ARID1A: variants seen among roughly 807,000 people sequenced by gnomAD.
The protein encoded by ARID1A is AT-rich interactive domain-containing protein 1A.
A neutral mutation model predicts 212.6 loss-of-function variants in ARID1A; 20 were observed. The observed-to-expected ratio is 0.09, with a 90% confidence interval of 0.07 to 0.14. The LOEUF is 0.14. Ranked by LOEUF, ARID1A falls within the 10% of genes least tolerant of loss-of-function variation. The pLI is 1.00. For synonymous variants in ARID1A, 1,376 were observed against 1,222.1 expected, an observed-to-expected ratio of 1.13 and a Z score of -2.63; for missense variants, 2,587 against 3,059.0, an observed-to-expected ratio of 0.85 and a Z score of 3.64.
chr1:26,778,841 A>C, intron 19 of ARID1A, 182 bp from the exon 20 acceptor site: 1 of 547,490 alleles, frequency 1.8e-6, no homozygotes, highest in Non-Finnish European at 3.0e-6. Context: ...AGAAGAAAGA[A>C]CTTTGTGTTG....
At chr1:26,722,562 G>A (rs1202749055) in intron 1 of ARID1A, among the ~76,000 whole-genome samples, 2 of 152,136 alleles carry the variant, frequency 1.3e-5, no homozygotes, top group Admixed American at 1.3e-4. Flanking sequence ...ATTCCACTTG[G>A]AAATTTATGG....
chr1:26,709,200 G>GAT (rs2124761138), intron 1 of ARID1A, among the ~76,000 whole-genome samples: 2 of 152,266 alleles, frequency 1.3e-5, no homozygotes, highest in Non-Finnish European at 2.9e-5. Context: ...GTAAATATTA[G>GAT]ATATGTGAAA....
chr1:26,771,059 C>T lies in ARID1A; in HGVS notation c.3199-60C>T, dbSNP rs1001147789. 4.0e-6 allele frequency: 6 copies of T among 1,497,394 alleles called. No homozygotes were observed. Among genetic ancestry groups the T allele is most frequent in the Middle Eastern group, 1.7e-4 (1 of 5,860 alleles). 92.8% of individuals were successfully genotyped at this position (1,497,394 alleles called of 1,614,324 possible). On this transcript the variant is annotated intron_variant, in intron 11 of 19. Coordinates refer to ENST00000324856, the MANE Select transcript of ARID1A (RefSeq NM_006015.6). This position sits in a 1 kb window ranked among gnomAD's most constrained non-coding sequence, Gnocchi z 5.4. ...CCTTACAGCCTGATGGGGCTTGGGG[C>T]TTATGGGCAGGAAAACCAGGCGGGA...
chr1:26,708,193 C>T (rs1185130668), intron 1 of ARID1A, among the ~76,000 whole-genome samples: 1 of 150,188 alleles, frequency 6.7e-6, no homozygotes, highest in Non-Finnish European at 1.5e-5. Flanking sequence ...CCTCTGGTCC[C>T]CGGTCCTCTC....
chr1:26,761,351 T>C (rs2124058844), intron 5 of ARID1A, 33 bp from the exon 6 acceptor site: 2 of 1,610,104 alleles, frequency 1.2e-6, no homozygotes, highest in Non-Finnish European at 1.7e-6. Context: ...GGCTTAGCCA[T>C]GATATGCTTA....
intron 4 of ARID1A, among the ~76,000 whole-genome samples, chr1:26,755,465 C>G (rs2080920568): frequency 6.6e-6 from 1 of 152,172 alleles, no homozygotes; most frequent in African/African-American, 2.4e-5. Context: ...TTATTTAGCA[C>G]TTTTTCTCCA....
intron 1 of ARID1A, among the ~76,000 whole-genome samples, chr1:26,705,647 T>A (rs1015866751): frequency 6.6e-6 from 1 of 152,356 alleles, no homozygotes; most frequent in African/African-American, 2.4e-5. Context: ...GCTTGAACTC[T>A]GATCATTCCC....
At chr1:26,753,120 A>G (rs180979919) in intron 4 of ARID1A, 1 of 152,164 alleles carries the variant, frequency 6.6e-6, no homozygotes, top group Admixed American at 6.5e-5. Flanking sequence ...CCCTCCTCTA[A>G]CCCTGATCTG....
At chr1:26,723,253 C>T (rs2080582299) in intron 1 of ARID1A, among the ~76,000 whole-genome samples, 2 of 152,132 alleles carry the variant, frequency 1.3e-5, no homozygotes, top group Admixed American at 6.5e-5. Flanking sequence ...AAGTGAGCCA[C>T]GTGCAGCTGG....
chr1:26,717,652 C>G (rs2080516279), intron 1 of ARID1A, among the ~76,000 whole-genome samples: 1 of 152,132 alleles, frequency 6.6e-6, no homozygotes, highest in African/African-American at 2.4e-5. Context: ...CTAGAGGATA[C>G]AGCAGTGAAT....
At chr1:26,765,491 A>C (rs12747603) in intron 8 of ARID1A, 8,335 of 151,852 alleles carry the variant, frequency 0.055, 313 homozygotes, top group Non-Finnish European at 0.08. Context: ...CCATCTCAAA[A>C]AAAAAAAAAA....
chr1:26,700,518 A>G (rs966951379), intron 1 of ARID1A, among the ~76,000 whole-genome samples: 3 of 152,210 alleles, frequency 2.0e-5, no homozygotes, highest in Non-Finnish European at 4.4e-5. Flanking sequence ...AAATAGTTTT[A>G]GATTACTTAC....
At position 26,760,879 on chromosome 1, in the gene ARID1A, C is replaced by T. The variant is rs1165545079; in HGVS notation, c.1944C>T (p.Asp648=). 6.2e-7 allele frequency: 1 copy of T among 1,613,382 alleles called. No homozygotes were observed. Among genetic ancestry groups the T allele is most frequent in the Admixed American group, 1.7e-5 (1 of 60,012 alleles). Residue 648 remains aspartate (D), a synonymous_variant, in exon 5 of 20, where the codon GAC becomes GAT. Transcript: ENST00000324856. The part of the protein sequence containing the change: ...SLPDLSGSID[D]LPMGTEGALS... ...AGGATCTATCTGGTTCAATAGATGA[C>T]CTCCCCATGGGGACAGAAGGAGCTC...
chr1:26,711,114 CT>C (rs572779178), intron 1 of ARID1A, among the ~76,000 whole-genome samples: 173 of 144,270 alleles, frequency 1.2e-3, no homozygotes, highest in Admixed American at 1.0e-3. Flanking sequence ...GTCTCTTGCT[CT>C]TTTTTTTTTT....
intron 14 of ARID1A, 24 bp from the exon 15 acceptor site, chr1:26,773,322 C>G (rs1416094662): frequency 2.6e-6 from 4 of 1,543,964 alleles, no homozygotes; most frequent in Non-Finnish European, 3.5e-6. Context: ...CCAGTTTGTT[C>G]ACCGCTTGCC....
At chr1:26,761,245 T>C in intron 5 of ARID1A, 139 bp from the exon 6 acceptor site, 1 of 1,456,994 alleles carries the variant, frequency 6.9e-7, no homozygotes, top group Non-Finnish European at 9.3e-7. Flanking sequence ...GATTGGAACC[T>C]GTTGGCTGGA....
At chr1:26,752,459 G>A (rs1311414092) in intron 4 of ARID1A, among the ~76,000 whole-genome samples, 1 of 152,186 alleles carries the variant, frequency 6.6e-6, no homozygotes, top group African/African-American at 2.4e-5. Context: ...TATTGTACAA[G>A]TGTTCAGTAG....
chr1:26,713,377 T>C (rs1221585786), intron 1 of ARID1A, among the ~76,000 whole-genome samples: 1 of 151,898 alleles, frequency 6.6e-6, no homozygotes, highest in Non-Finnish European at 1.5e-5. Flanking sequence ...TTTTTTTTTT[T>C]TGGCAGAGTC....
chr1:26,731,599 C>T lies in ARID1A; in HGVS notation c.1798C>T (p.Pro600Ser), dbSNP rs757146587. The change falls in exon 3 of 20, where the codon CCG (proline) becomes TCG (serine). Residue 600 changes from proline to serine, a missense_variant. This residue lies in a region of ARID1A where 674 missense variants were observed against 813.4 expected (regional missense o/e 0.83). Coordinates refer to ENST00000324856, the MANE Select transcript of ARID1A (RefSeq NM_006015.6). ...CTATTCCCAGCAGCGCTTCCCTCCACCGCAGGTAAGATATCCCTGCCTCCT... is the reference window on the plus strand; with the variant it reads ...CTATTCCCAGCAGCGCTTCCCTCCATCGCAGGTAAGATATCCCTGCCTCCT... ...TAYSQQRFPP[P>S]QELSQDSFGS... 6.2e-7 allele frequency: 1 copy of T among 1,613,296 alleles called. No individual in the cohort carries two copies. Among genetic ancestry groups the T allele is most frequent in the Admixed American group, 1.7e-5 (1 of 60,004 alleles).
Sources: allele counts gnomAD v4.1 joint callset (sites outside exome capture counted in the v4.1 genomes callset), GRCh38; gene constraint gnomAD v4.1.1; regional missense constraint gnomAD v4.1.1; non-coding constraint Gnocchi (gnomAD v3.1); transcripts MANE v1.5; gene names NCBI Gene and HGNC (gene_info 2026-07-23, HGNC 2026-07-21).